The following CERT1 variants were observed in gnomAD, a reference collection of about 807,000 sequenced individuals.
CERT1 encodes the protein ceramide transfer protein.
In CERT1, 31 loss-of-function variants were observed where a neutral mutation model predicts 87.9. That is an observed-to-expected ratio of 0.35 (90% CI 0.27 to 0.48). The LOEUF (loss-of-function observed/expected upper bound fraction) is 0.48. CERT1 is among the 20% of genes least tolerant of loss of function. The probability of loss-of-function intolerance (pLI) is 0.99; values close to 1 mark genes in which losing one functional copy is unlikely to be tolerated. For synonymous variants in CERT1, 289 were observed against 250.9 expected (o/e 1.15, Z -1.44); for missense variants, 487 against 758.0 (o/e 0.64, Z 4.20).
chr5:75,400,194 C>T lies in CERT1; in HGVS notation c.1110+11G>A. 1.9e-6 allele frequency: 3 copies of T among 1,561,808 alleles called. No individual in the cohort carries two copies. The highest frequency in any genetic ancestry group is 1.8e-6 in the Non-Finnish European group (2 of 1,133,470). The stretch of plus-strand genomic sequence containing the variant: ...AAGGTGTACTTTTAGTAAACTCTGA[C>T]ATTAGCTTACCTTTTGGACAAATCT... On this transcript the variant is annotated intron_variant, in intron 10 of 16. Transcript: ENST00000643780.
At chr5:75,386,607 AATT>A (rs1761795505) in intron 12 of CERT1, among the ~76,000 whole-genome samples, 1 of 152,204 alleles carries the variant, frequency 6.6e-6, no homozygotes, top group South Asian at 2.1e-4. Flanking sequence ...TACTTTAGAT[AATT>A]ATGTGATAAA....
At chr5:75,480,157 T>C (rs1277619371) in intron 2 of CERT1, among the ~76,000 whole-genome samples, 1 of 152,214 alleles carries the variant, frequency 6.6e-6, no homozygotes, top group Admixed American at 6.5e-5. Flanking sequence ...ACTATCTATG[T>C]CTCTAATGTG....
chr5:75,511,790 A>C (rs202137230), upstream of CERT1: 344 of 1,551,408 alleles, frequency 2.2e-4, 2 homozygotes, highest in Middle Eastern at 2.3e-3. Context: ...ACGGGTAGAA[A>C]AGCAGGAGGA....
intron 12 of CERT1, among the ~76,000 whole-genome samples, chr5:75,386,722 C>T (rs1235302104): frequency 1.3e-5 from 2 of 152,136 alleles, no homozygotes; most frequent in Non-Finnish European, 2.9e-5. Context: ...CATAGATTTT[C>T]TTAGAGTATC....
intron 15 of CERT1, 21 bp from the exon 16 acceptor site, chr5:75,381,222 G>GC: frequency 6.2e-7 from 1 of 1,613,706 alleles, no homozygotes; most frequent in South Asian, 1.1e-5. Flanking sequence ...AAAAAACAAA[G>GC]CATCAGTAGA....
chr5:75,495,952 TA>T (rs552224685), intron 2 of CERT1, among the ~76,000 whole-genome samples: 16 of 150,324 alleles, frequency 1.1e-4, no homozygotes, highest in African/African-American at 3.2e-4. Flanking sequence ...AATAAATAAA[TA>T]AAAAAAAGAA....
chr5:75,425,483 C>T lies in CERT1; in HGVS notation c.473G>A (p.Arg158His), dbSNP rs61759489. The part of the protein sequence containing the change: ...TSSFKKGHSL[R>H]EKLAEMETFR... Reference sequence around the variant, plus strand: ...TGTTTCCATTTCAGCCAACTTCTCACGTAAACTGTGGCCTTTCTGCAAAAC... The same window carrying T: ...TGTTTCCATTTCAGCCAACTTCTCATGTAAACTGTGGCCTTTCTGCAAAAC... Residue 158 changes from arginine (R) to histidine (H), a missense_variant, in exon 5 of 17, where the codon CGT (arginine) becomes CAT (histidine). Physicochemically the swap from Arg to His is conservative, Grantham distance 29 (BLOSUM62 0). Transcript: ENST00000643780. The T allele has an allele frequency of 7.3e-4, 1,171 of 1,612,624 alleles. 2 individuals are homozygous for T. The highest frequency in any genetic ancestry group is 7.8e-4 in the Non-Finnish European group (917 of 1,179,660).
At chr5:75,425,074 C>T (rs1479603241) in intron 5 of CERT1, among the ~76,000 whole-genome samples, 1 of 152,016 alleles carries the variant, frequency 6.6e-6, no homozygotes, top group East Asian at 1.9e-4. Context: ...GCTATGATCG[C>T]GCCACTGCAC....
At chr5:75,372,818 A>G (rs1761130590), downstream of CERT1, 1 of 152,248 alleles carries the variant, frequency 6.6e-6, no homozygotes, top group African/African-American at 2.4e-5. Flanking sequence ...TCCATGTAAC[A>G]TGATTTTCCG....
At chr5:75,421,397 A>G (rs762799414) in intron 5 of CERT1, among the ~76,000 whole-genome samples, 2 of 152,200 alleles carry the variant, frequency 1.3e-5, no homozygotes, top group Non-Finnish European at 2.9e-5. Context: ...AATGTTGTCA[A>G]TCATCTATAA....
At chr5:75,485,312 C>CAAAAAAAAAAAAAAA (rs757349878) in intron 2 of CERT1, among the ~76,000 whole-genome samples, 987 of 46,174 alleles carry the variant, frequency 0.021, 3 homozygotes, top group Middle Eastern at 0.11. Context: ...CACAAAAATA[C>CAAAAAAAAAAAAAAA]AAAAAAAAAA....
At chr5:75,447,795 A>C (rs1005803576) in intron 3 of CERT1, among the ~76,000 whole-genome samples, 3 of 151,656 alleles carry the variant, frequency 2.0e-5, no homozygotes, top group Admixed American at 6.6e-5. Context: ...TTTGTTAAAG[A>C]GACAGGGTCT....
At chr5:75,391,756 G>A (rs564642894) in intron 11 of CERT1, among the ~76,000 whole-genome samples, 2 of 152,292 alleles carry the variant, frequency 1.3e-5, no homozygotes, top group East Asian at 3.9e-4. Flanking sequence ...TTGTGATTAG[G>A]AGAAATGTTT....
In CERT1 at chr5:75,466,197, A is replaced by G. The variant is rs983332147; in HGVS notation, c.232-7016T>C. On this transcript the variant is annotated intron_variant, in intron 2 of 16. Coordinates refer to ENST00000643780, the MANE Select transcript of CERT1 (RefSeq NM_001379029.1). ...GGGTTCTGTCAATGTGGGACATTAG[A>G]TAAGGATTAGAAGCCAGGAACAAGA... is the stretch of plus-strand genomic sequence containing the variant. Among the ~76,000 whole-genome samples the G allele has an allele frequency of 3.9e-5, 6 of 152,280 alleles. No individual in the cohort carries two copies. The East Asian group carries it at 9.7e-4, about 25-fold the overall frequency.
chr5:75,409,712 A>G (rs994039484), intron 8 of CERT1, among the ~76,000 whole-genome samples: 1 of 151,788 alleles, frequency 6.6e-6, no homozygotes, highest in Non-Finnish European at 1.5e-5. Context: ...TTTTTTTAGT[A>G]GAGACGGGGT....
chr5:75,442,100 G>T (rs768719688), intron 3 of CERT1, among the ~76,000 whole-genome samples: 20 of 152,130 alleles, frequency 1.3e-4, no homozygotes, highest in South Asian at 8.3e-4. Context: ...TGGGTTTAAG[G>T]TGGTATCTCA....
chr5:75,492,435 T>C (rs1044973408), intron 2 of CERT1, among the ~76,000 whole-genome samples: 5 of 152,102 alleles, frequency 3.3e-5, no homozygotes, highest in African/African-American at 4.8e-5. Flanking sequence ...AAGTGGTTCA[T>C]TGAAAAGCTG....
intron 15 of CERT1, 57 bp from the exon 16 acceptor site, chr5:75,381,258 G>A (rs1761573118): frequency 3.1e-6 from 5 of 1,595,776 alleles, no homozygotes; most frequent in African/African-American, 1.3e-5. Flanking sequence ...AAACTCTGCT[G>A]GTCTAATATT....
chr5:75,381,523 T>A (rs1283697442), intron 15 of CERT1, among the ~76,000 whole-genome samples: 1 of 149,352 alleles, frequency 6.7e-6, no homozygotes, highest in Non-Finnish European at 1.5e-5. Context: ...GCCTGGCTAA[T>A]TAAAAAAAAA....
Sources: gnomAD v4.1 joint callset for allele counts (sites outside exome capture counted in the v4.1 genomes callset) on GRCh38, gnomAD v4.1.1 for gene constraint, MANE v1.5 for transcripts, NCBI Gene and HGNC (gene_info 2026-07-23, HGNC 2026-07-21) for gene names.